XPO1: variants seen among roughly 807,000 people sequenced by gnomAD.
The protein encoded by XPO1 is exportin-1.
In XPO1, 5 loss-of-function variants were observed where a neutral mutation model predicts 133.3. The observed-to-expected ratio is 0.04, with a 90% CI of 0.02 to 0.08. The LOEUF (loss-of-function observed/expected upper bound fraction) is 0.08, where lower values mean the gene tolerates loss of function less well. XPO1 is among the 10% of genes least tolerant of loss of function. The pLI is 1.00. For synonymous variants in XPO1, 419 were observed against 408.2 expected (o/e 1.03, Z -0.32); for missense variants, 506 against 1,267.5 (o/e 0.40, Z 9.12).
At position 61,494,103 on chromosome 2, in the gene XPO1, A is replaced by G; in HGVS notation, c.1048-12T>C. On this transcript the variant is annotated splice_polypyrimidine_tract_variant and intron_variant, in intron 11 of 24. Coordinates refer to ENST00000401558, the MANE Select transcript of XPO1 (RefSeq NM_003400.4). ...ATATAATGAAGGGCCTACACAGAAGACCAAAACTGTTAAAATAATTCTTAA... is the reference window on the plus strand; with the variant it reads ...ATATAATGAAGGGCCTACACAGAAGGCCAAAACTGTTAAAATAATTCTTAA... 6.2e-7 allele frequency: 1 copy of G among 1,602,724 alleles called. No individual in the cohort carries two copies. The highest frequency in any genetic ancestry group is 8.5e-7 in the Non-Finnish European group (1 of 1,176,520).
chr2:61,488,044 C>T, intron 19 of XPO1, 121 bp downstream of exon 19: 2 of 814,890 alleles, frequency 2.5e-6, no homozygotes, highest in Non-Finnish European at 4.0e-6. Flanking sequence ...AATAAAATGC[C>T]ATAAAATAAC....
chr2:61,530,648 T>C (rs562754000), intron 2 of XPO1, among the ~76,000 whole-genome samples: 5 of 151,896 alleles, frequency 3.3e-5, no homozygotes, highest in African/African-American at 9.7e-5. Context: ...ATACTAACCA[T>C]GTATGCAGAA....
intron 4 of XPO1, among the ~76,000 whole-genome samples, chr2:61,509,240 G>A (rs1019103204): frequency 6.6e-6 from 1 of 151,460 alleles, no homozygotes; most frequent in Non-Finnish European, 1.5e-5. Flanking sequence ...CCTGACCTCA[G>A]GCAACCCACC....
chr2:61,532,546 A>G (rs1385019913), intron 2 of XPO1, among the ~76,000 whole-genome samples: 1 of 151,990 alleles, frequency 6.6e-6, no homozygotes, highest in Non-Finnish European at 1.5e-5. Flanking sequence ...AACTACCATA[A>G]AAGATTTCTG....
intron 4 of XPO1, among the ~76,000 whole-genome samples, chr2:61,514,902 C>CT (rs1167797491): frequency 6.6e-6 from 1 of 151,866 alleles, no homozygotes; most frequent in African/African-American, 2.4e-5. Context: ...TGGCGAAACT[C>CT]TATTACAAAA....
intron 9 of XPO1, among the ~76,000 whole-genome samples, chr2:61,498,333 A>G (rs550606958): frequency 4.0e-4 from 61 of 152,316 alleles, no homozygotes; most frequent in African/African-American, 1.4e-3. Flanking sequence ...AAGCCATAAC[A>G]TGGTATCAAT....
chr2:61,507,134 T>C (rs190640447), intron 4 of XPO1, among the ~76,000 whole-genome samples: 15 of 149,756 alleles, frequency 1.0e-4, no homozygotes, highest in African/African-American at 2.5e-4. Flanking sequence ...TAGTCCCAGC[T>C]ACTTGGGGAG....
At chr2:61,504,902 T>C (rs1281786543) in intron 4 of XPO1, among the ~76,000 whole-genome samples, 1 of 152,236 alleles carries the variant, frequency 6.6e-6, no homozygotes, top group Non-Finnish European at 1.5e-5. Context: ...ACTAATGCAG[T>C]AAAGCAACGT....
chr2:61,502,158 G>A, intron 5 of XPO1, 91 bp downstream of exon 5: 2 of 1,526,274 alleles, frequency 1.3e-6, no homozygotes, highest in Admixed American at 1.9e-5. Flanking sequence ...GCATATGTGT[G>A]ACTATGTGTC....
At chr2:61,508,643 G>A (rs1351058329) in intron 4 of XPO1, among the ~76,000 whole-genome samples, 1 of 152,156 alleles carries the variant, frequency 6.6e-6, no homozygotes, top group African/African-American at 2.4e-5. Context: ...GATACTCAAT[G>A]ATAGCGTAAA....
chr2:61,506,425 A>G (rs1335210553), intron 4 of XPO1, among the ~76,000 whole-genome samples: 3 of 152,036 alleles, frequency 2.0e-5, no homozygotes, highest in Non-Finnish European at 4.4e-5. Flanking sequence ...TCCGTCTCAA[A>G]AACAACAACA....
chr2:61,532,499 C>T (rs1380226083), intron 2 of XPO1, among the ~76,000 whole-genome samples: 1 of 151,850 alleles, frequency 6.6e-6, no homozygotes, highest in Non-Finnish European at 1.5e-5. Context: ...ACTAGCTGAA[C>T]ATTTATCTAA....
chr2:61,491,669 G>A (rs12466605), intron 16 of XPO1, among the ~76,000 whole-genome samples: 1 of 152,122 alleles, frequency 6.6e-6, no homozygotes, highest in African/African-American at 2.4e-5. Flanking sequence ...TGAGGCAAGC[G>A]TATCGCTTGA....
At chr2:61,506,703 A>C (rs1224316653) in intron 4 of XPO1, among the ~76,000 whole-genome samples, 1 of 151,982 alleles carries the variant, frequency 6.6e-6, no homozygotes, top group East Asian at 1.9e-4. Context: ...ATAAATAAAT[A>C]AATAAATAAA....
chr2:61,521,768 G>GT (rs1200474085), intron 4 of XPO1, among the ~76,000 whole-genome samples: 1 of 151,824 alleles, frequency 6.6e-6, no homozygotes, highest in Non-Finnish European at 1.5e-5. Context: ...TGTTGTTCTT[G>GT]TTTTTTGAGA....
intron 23 of XPO1, among the ~76,000 whole-genome samples, chr2:61,482,033 CCTT>C (rs1275960301): frequency 0.07 from 6,072 of 86,170 alleles, 827 homozygotes; most frequent in East Asian, 0.29. Context: ...CCGTGCGTGG[CCTT>C]TTTTTTTTTT....
chr2:61,531,253 A>G (rs946686473), intron 2 of XPO1, among the ~76,000 whole-genome samples: 7 of 152,220 alleles, frequency 4.6e-5, no homozygotes, highest in Non-Finnish European at 4.4e-5. Context: ...ATAATACAAA[A>G]TAAGTTTGCT....
intron 6 of XPO1, among the ~76,000 whole-genome samples, chr2:61,501,093 T>C (rs1013624576): frequency 2.0e-5 from 3 of 152,076 alleles, no homozygotes; most frequent in African/African-American, 7.3e-5. Flanking sequence ...TTATATTCTC[T>C]CCTCTCTCTC....
chr2:61,511,235 G>A (rs190497719), intron 4 of XPO1, among the ~76,000 whole-genome samples: 229 of 151,804 alleles, frequency 1.5e-3, no homozygotes, highest in Admixed American at 3.3e-3. Context: ...GCAATTCTCC[G>A]GCCTCAGCCT....
Sources: gnomAD v4.1 joint callset for allele counts (sites outside exome capture counted in the v4.1 genomes callset) on GRCh38, gnomAD v4.1.1 for gene constraint, MANE v1.5 for transcripts, NCBI Gene and HGNC (gene_info 2026-07-23, HGNC 2026-07-21) for gene names.